Variants in LATS2 observed in about 807,000 individuals in gnomAD.
LATS2 encodes the protein large tumor suppressor kinase 2.
LATS2 carries 24 observed loss-of-function variants against 76.0 expected under a neutral mutation model. The ratio of observed to expected loss-of-function variants is 0.32; its 90% CI spans 0.23 to 0.44. The LOEUF (loss-of-function observed/expected upper bound fraction) is 0.44, where lower values mean the gene tolerates loss of function less well. LATS2 is among the 20% of genes least tolerant of loss of function. The pLI, the probability that LATS2 is intolerant of heterozygous loss-of-function variation, is 1.00. For synonymous variants in LATS2, 692 were observed against 635.4 expected (o/e 1.09, Z -1.34); for missense variants, 1,286 against 1,481.2 (o/e 0.87, Z 2.16).
intron 4 of LATS2, among the ~76,000 whole-genome samples, chr13:20,984,332 A>T (rs1348715310): frequency 6.6e-6 from 1 of 152,188 alleles, no homozygotes; most frequent in Non-Finnish European, 1.5e-5. Flanking sequence ...GGCTCTAAAA[A>T]CTAAGGGAAA....
intron 1 of LATS2, among the ~76,000 whole-genome samples, chr13:21,060,616 G>C (rs1039014565): frequency 2.0e-5 from 3 of 151,856 alleles, no homozygotes; most frequent in African/African-American, 7.2e-5. Context: ...GTGAGCCGGC[G>C]GCGCGGCCGC....
chr13:21,024,412 G>A (rs1872221740), intron 2 of LATS2, among the ~76,000 whole-genome samples: 1 of 152,090 alleles, frequency 6.6e-6, no homozygotes, highest in Non-Finnish European at 1.5e-5. Flanking sequence ...CCCCAGCCTG[G>A]GCGACAGAGT....
In LATS2 at chr13:20,973,439, G is replaced by A. The variant is rs1869427753; in HGVS notation, c.*1431C>T. 1 of 231,868 alleles carries A rather than the reference G, an allele frequency of 4.3e-6. No homozygotes were observed. The highest frequency in any genetic ancestry group is 1.8e-4 in the South Asian group (1 of 5,506). The allele number at this position is 231,868 out of a possible 1,614,324, so 14.4% of individuals were successfully genotyped here. A position where few individuals can be genotyped will look rare whatever the true frequency, so the allele number is the denominator to read the frequency against. On this transcript the variant is annotated 3_prime_UTR_variant, in exon 8 of 8. Coordinates refer to ENST00000382592, the MANE Select transcript of LATS2 (RefSeq NM_014572.3). The stretch of plus-strand genomic sequence containing the variant: ...ATTTTTTAAAAAGCAAAAAAGAATT[G>A]AACTTTTTACTCAAATATAAATCAC...
In LATS2 at chr13:20,975,287, C is replaced by T; in HGVS notation, c.2850G>A (p.Lys950=). The part of the protein sequence containing the change: ...LSPEARDLIT[K]LCCSADHRLG... ...GGCGGTGGTCTGCGGAGCAGCACAG[C>T]TTGGTGATGAGGTCCCTGGCCTCAG... The change falls in exon 8 of 8, where the codon AAG becomes AAA. Residue 950 remains lysine, a synonymous_variant. Coordinates refer to ENST00000382592, the MANE Select transcript of LATS2 (RefSeq NM_014572.3). 1 of 1,613,014 alleles carries T rather than the reference C, an allele frequency of 6.2e-7. No homozygotes were observed. Among genetic ancestry groups the T allele is most frequent in the Non-Finnish European group, 8.5e-7 (1 of 1,179,432 alleles).
At chr13:21,031,795 C>A (rs1872536982) in intron 2 of LATS2, among the ~76,000 whole-genome samples, 1 of 152,094 alleles carries the variant, frequency 6.6e-6, no homozygotes, top group Non-Finnish European at 1.5e-5. Context: ...GGGAAGGCTG[C>A]AGTGAGCTGT....
intron 2 of LATS2, among the ~76,000 whole-genome samples, chr13:21,025,735 T>C (rs1013608551): frequency 6.6e-6 from 1 of 152,224 alleles, no homozygotes; most frequent in Non-Finnish European, 1.5e-5. Context: ...AGCTGGTTCA[T>C]ACATGGTGAG....
intron 1 of LATS2, among the ~76,000 whole-genome samples, chr13:21,055,235 A>G (rs1170690653): frequency 6.6e-6 from 1 of 152,232 alleles, no homozygotes; most frequent in Non-Finnish European, 1.5e-5. Flanking sequence ...TACCATTTTA[A>G]TGAGACTTCA....
chr13:21,007,754 A>T (rs1284944993), intron 2 of LATS2, among the ~76,000 whole-genome samples: 3 of 6,660 alleles, frequency 4.5e-4, no homozygotes, highest in African/African-American at 1.5e-3. Flanking sequence ...ATATATATAT[A>T]TATATATTTT....
At chr13:21,022,652 G>A (rs929061804) in intron 2 of LATS2, among the ~76,000 whole-genome samples, 3 of 152,226 alleles carry the variant, frequency 2.0e-5, no homozygotes, top group South Asian at 2.1e-4. Flanking sequence ...TAGGAATCCC[G>A]CGTTTACTGC....
At position 20,988,955 on chromosome 13, in the gene LATS2, GA is replaced by G. The variant is rs1161069052; in HGVS notation, c.824del (p.Phe275SerfsTer158). 6.5e-7 allele frequency: 1 copy of G among 1,536,950 alleles called. No individual in the cohort carries two copies. ...CGGTCTCCGGCGGCGTCTTGCTCTG[GA>G]AGGAGGGGCTGCGCTGCACTCCGTA... Reference protein sequence around the residue: ...LGYGVQRSPSFQSKTPPETGG... With the variant: ...LGYGVQRSPSXQSKTPPETGG... On this transcript the variant is annotated frameshift_variant, in exon 4 of 8. Transcript: ENST00000382592. LOFTEE classifies it high-confidence loss of function.
At chr13:21,043,516 G>A (rs1439647979) in intron 2 of LATS2, among the ~76,000 whole-genome samples, 1 of 152,154 alleles carries the variant, frequency 6.6e-6, no homozygotes, top group African/African-American at 2.4e-5. Flanking sequence ...AGTGTGAGTT[G>A]GAGGGGAAAG....
Position 20,975,171 on chromosome 13 carries a change from T to C in LATS2, c.2966A>G (p.Tyr989Cys), listed in dbSNP as rs749025517. 8.7e-6 allele frequency: 14 copies of C among 1,613,958 alleles called. No individual in the cohort carries two copies. The highest frequency in any genetic ancestry group is 2.2e-5 in the East Asian group (1 of 44,886). ...CATGGGGTGGCTGATGGTGGGAACG[T>C]AGGGGGCTGGCTGCTTCCGGATGTC... is the stretch of plus-strand genomic sequence containing the variant. ...SSDIRKQPAP[Y>C]VPTISHPMDT... Residue 989 changes from tyrosine (Y) to cysteine (C), a missense_variant, in exon 8 of 8, where the codon TAC (tyrosine) becomes TGC (cysteine). Tyr to Cys is a radical substitution (Grantham distance 194). Coordinates refer to ENST00000382592, the MANE Select transcript of LATS2 (RefSeq NM_014572.3).
chr13:21,046,383 T>C (rs1489644486), intron 1 of LATS2, among the ~76,000 whole-genome samples, 153 bp from the exon 2 acceptor site: 1 of 152,228 alleles, frequency 6.6e-6, no homozygotes, highest in African/African-American at 2.4e-5. Flanking sequence ...AAAAATACTG[T>C]TCAACCATGG....
rs550151935 is a variant in LATS2 at position 20,973,242 on chromosome 13, T to C, written c.*1628A>G. The C allele has an allele frequency of 4.3e-6, 1 of 232,524 alleles. No individual in the cohort carries two copies. Among genetic ancestry groups the C allele is most frequent in the East Asian group, 6.1e-5 (1 of 16,326 alleles). The allele number at this position is 232,524 out of a possible 1,614,324, so 14.4% of individuals were successfully genotyped here. ...ACGACAGGCACAGCAGACTTGAGTA[T>C]GCCACTCACACAAATGTAAACCAGT... On this transcript the variant is annotated 3_prime_UTR_variant, in exon 8 of 8. Coordinates refer to ENST00000382592, the MANE Select transcript of LATS2 (RefSeq NM_014572.3).
At chr13:20,996,762 G>T (rs2138308101) in intron 2 of LATS2, among the ~76,000 whole-genome samples, 1 of 152,220 alleles carries the variant, frequency 6.6e-6, no homozygotes, top group South Asian at 2.1e-4. Flanking sequence ...AACCTGACAT[G>T]GCATAAACTC....
chr13:20,978,252 G>A (rs1053185081), intron 7 of LATS2, among the ~76,000 whole-genome samples: 2 of 151,914 alleles, frequency 1.3e-5, no homozygotes, highest in Admixed American at 6.6e-5. Flanking sequence ...TATTAATTTA[G>A]GCTCCCTGGC....
intron 2 of LATS2, among the ~76,000 whole-genome samples, chr13:21,010,118 T>C (rs1445059812): frequency 4.6e-5 from 7 of 151,990 alleles, no homozygotes; most frequent in Admixed American, 3.9e-4. Context: ...GAGAATCGGT[T>C]GAATCTGGGA....
At chr13:21,048,801 C>T (rs967877626) in intron 1 of LATS2, among the ~76,000 whole-genome samples, 1 of 151,946 alleles carries the variant, frequency 6.6e-6, no homozygotes, top group African/African-American at 2.4e-5. Flanking sequence ...CGCACCATCG[C>T]ACTCCAGCCT....
chr13:21,019,873 C>G (rs192299144), intron 2 of LATS2, among the ~76,000 whole-genome samples: 2 of 150,248 alleles, frequency 1.3e-5, no homozygotes, highest in Non-Finnish European at 3.0e-5. Flanking sequence ...ACTCGGGAGG[C>G]TGAGGAAGGA....
Sources: gnomAD v4.1 joint callset for allele counts (sites outside exome capture counted in the v4.1 genomes callset) on GRCh38, gnomAD v4.1.1 for gene constraint, MANE v1.5 for transcripts, NCBI Gene and HGNC (gene_info 2026-07-23, HGNC 2026-07-21) for gene names.